FAR2: variants seen among roughly 807,000 people sequenced by gnomAD.
The protein encoded by FAR2 is epididymis secretory protein Li 81.
Under a neutral mutation model 56.0 loss-of-function variants are expected in FAR2, and 19 were observed. The ratio of observed to expected loss-of-function variants is 0.34; its 90% CI spans 0.24 to 0.50. The LOEUF (loss-of-function observed/expected upper bound fraction) is 0.50, where lower values mean the gene tolerates loss of function less well. FAR2 is among the 20% of genes least tolerant of loss of function. The pLI is 0.98. For missense variants in FAR2, 508 were observed against 642.2 expected (o/e 0.79, Z 2.26); for synonymous variants, 219 against 218.8 (o/e 1.00, Z -0.01).
intron 1 of FAR2, among the ~76,000 whole-genome samples, chr12:29,201,209 TTCACA>T (rs1947407145): frequency 6.6e-6 from 1 of 152,202 alleles, no homozygotes; most frequent in East Asian, 1.9e-4. Context: ...CTCTTACTGT[TTCACA>T]GATGCTGCCA....
intron 1 of FAR2, among the ~76,000 whole-genome samples, chr12:29,172,385 T>TA (rs1949896236): frequency 6.6e-6 from 1 of 151,924 alleles, no homozygotes; most frequent in Middle Eastern, 3.2e-3. Context: ...AATTAAAAGT[T>TA]TAAAAAAAAA....
At chr12:29,274,922 C>T (rs1261373338) in intron 2 of FAR2, among the ~76,000 whole-genome samples, 3 of 151,504 alleles carry the variant, frequency 2.0e-5, no homozygotes, top group Non-Finnish European at 4.4e-5. Flanking sequence ...CACACAAAGC[C>T]TGTTTGGTGG....
intron 4 of FAR2, among the ~76,000 whole-genome samples, chr12:29,297,868 T>C (rs1025244520): frequency 6.6e-6 from 1 of 151,698 alleles, no homozygotes; most frequent in African/African-American, 2.4e-5. Flanking sequence ...ATACAAAAAT[T>C]AGCTGGATGT....
intron 1 of FAR2, among the ~76,000 whole-genome samples, chr12:29,155,834 G>T (rs146511712): frequency 2.1e-4 from 32 of 152,136 alleles, no homozygotes; most frequent in Middle Eastern, 6.8e-3. Context: ...GTTGACCCCT[G>T]CTCTAAGGCT....
At position 29,242,098 on chromosome 12, in the gene FAR2, G is replaced by A. The variant is rs532660898; in HGVS notation, c.-38-28314G>A. Among the ~76,000 whole-genome samples, 16 of 152,260 alleles carry A rather than the reference G, an allele frequency of 1.1e-4. No homozygotes were observed. The South Asian group carries it at 2.9e-3, about 28-fold the overall frequency. ...AATGCTCAGCACGCCACTTTACACCGAAGGAGTCACACCAGTGTGACACAC... is the reference window on the plus strand; with the variant it reads ...AATGCTCAGCACGCCACTTTACACCAAAGGAGTCACACCAGTGTGACACAC... On this transcript the variant is annotated intron_variant, in intron 1 of 11. Transcript: ENST00000536681.
At chr12:29,308,689 GACACACACAC>G (rs57435586) in intron 5 of FAR2, among the ~76,000 whole-genome samples, 44,265 of 137,266 alleles carry the variant, frequency 0.32, 7,349 homozygotes, top group East Asian at 0.38. Context: ...CAGACACACA[GACACACACAC>G]ACACACACAC....
At chr12:29,184,927 C>T (rs772809425) in intron 1 of FAR2, among the ~76,000 whole-genome samples, 4 of 152,026 alleles carry the variant, frequency 2.6e-5, no homozygotes, top group Non-Finnish European at 4.4e-5. Context: ...CATCAGATGA[C>T]CTAAGTTCAA....
At chr12:29,175,780 G>C (rs1407525577) in intron 1 of FAR2, among the ~76,000 whole-genome samples, 3 of 152,074 alleles carry the variant, frequency 2.0e-5, no homozygotes. Context: ...AGCGCTGATT[G>C]GTGCATTTTT....
At chr12:29,198,761 G>A (rs1162538634) in intron 1 of FAR2, among the ~76,000 whole-genome samples, 1 of 151,998 alleles carries the variant, frequency 6.6e-6, no homozygotes, top group Admixed American at 6.6e-5. Context: ...ATTATTTTTA[G>A]ATTTAAAGAT....
intron 1 of FAR2, among the ~76,000 whole-genome samples, chr12:29,240,344 C>T (rs1238072728): frequency 1.3e-5 from 2 of 152,104 alleles, no homozygotes; most frequent in Non-Finnish European, 2.9e-5. Context: ...GTCCTGCTTC[C>T]GTGCAATTCT....
intron 1 of FAR2, among the ~76,000 whole-genome samples, chr12:29,154,856 A>G (rs1304078155): frequency 6.6e-6 from 1 of 152,216 alleles, no homozygotes; most frequent in Non-Finnish European, 1.5e-5. Context: ...CCAGCAGAAC[A>G]TCTAAGAGAG....
chr12:29,267,815 T>C lies in FAR2; in HGVS notation c.-38-2597T>C, dbSNP rs117318487. Reference sequence around the variant, plus strand: ...TCCAGATTTCCTAAAATGAATAGCATTGATGATTGGGTGTGATTTCTGTCA... The same window carrying C: ...TCCAGATTTCCTAAAATGAATAGCACTGATGATTGGGTGTGATTTCTGTCA... On this transcript the variant is annotated intron_variant, in intron 1 of 11. Coordinates refer to ENST00000536681, the MANE Select transcript of FAR2 (RefSeq NM_001271783.2). 2.7e-3 allele frequency among the ~76,000 whole-genome samples: 417 copies of C among 152,326 alleles called. 1 individual carries two copies. The highest frequency in any genetic ancestry group is 5.0e-3 in the Non-Finnish European group (337 of 68,028).
intron 1 of FAR2, among the ~76,000 whole-genome samples, chr12:29,253,345 C>CGATATCTATCTAGATAGATATCTA (rs1948262173): frequency 6.7e-6 from 1 of 148,524 alleles, no homozygotes; most frequent in African/African-American, 2.5e-5. Flanking sequence ...ATCTATATAT[C>CGATATCTATCTAGATAGATATCTA]TATATCTATC....
intron 10 of FAR2, among the ~76,000 whole-genome samples, chr12:29,325,896 A>G (rs1949635536): frequency 6.6e-6 from 1 of 152,250 alleles, no homozygotes. Flanking sequence ...GAAACAACTA[A>G]GAGCAGAGCA....
intron 10 of FAR2, among the ~76,000 whole-genome samples, chr12:29,323,213 A>G (rs1308405255): frequency 6.6e-6 from 1 of 152,202 alleles, no homozygotes; most frequent in Admixed American, 6.5e-5. Context: ...CACGCCCGCC[A>G]TTGCTCAGGC....
intron 2 of FAR2, among the ~76,000 whole-genome samples, chr12:29,273,108 T>TCTCA (rs558923949): frequency 2.5e-4 from 38 of 152,214 alleles, no homozygotes; most frequent in African/African-American, 8.9e-4. Flanking sequence ...TGTAGGAAGG[T>TCTCA]CTCACCCTGT....
chr12:29,332,579 A>G (rs543961625), intron 10 of FAR2, 21 bp from the exon 11 acceptor site: 24 of 1,613,204 alleles, frequency 1.5e-5, no homozygotes, highest in South Asian at 4.4e-5. Flanking sequence ...CTGGCAATCT[A>G]TAATCTCTCT....
chr12:29,165,069 T>G (rs1469042031), intron 1 of FAR2, among the ~76,000 whole-genome samples: 1 of 152,216 alleles, frequency 6.6e-6, no homozygotes, highest in Non-Finnish European at 1.5e-5. Context: ...TTCTTACTAT[T>G]AATGTAGCTG....
At chr12:29,173,226 A>C (rs1377378840) in intron 1 of FAR2, among the ~76,000 whole-genome samples, 1 of 152,174 alleles carries the variant, frequency 6.6e-6, no homozygotes, top group Non-Finnish European at 1.5e-5. Flanking sequence ...GGTTGGGCCA[A>C]ATTCCCCTTC....
Sources: allele counts gnomAD v4.1 joint callset (sites outside exome capture counted in the v4.1 genomes callset), GRCh38; gene constraint gnomAD v4.1.1; transcripts MANE v1.5; gene names NCBI Gene and HGNC (gene_info 2026-07-23, HGNC 2026-07-21).